The following GPC5 variants were observed in gnomAD, a reference collection of about 807,000 sequenced individuals.
GPC5 encodes the protein glypican 5.
A neutral mutation model predicts 53.9 loss-of-function variants in GPC5; 47 were observed. That is an observed-to-expected ratio of 0.87 (90% CI 0.69 to 1.11). The LOEUF (loss-of-function observed/expected upper bound fraction) is 1.11. Among genes scored for constraint, GPC5 ranks in the 50% most tolerant of loss-of-function variants. The pLI, the probability that GPC5 is intolerant of heterozygous loss-of-function variation, is 0.00. For synonymous variants in GPC5, 286 were observed against 263.3 expected (o/e 1.09, Z -0.84); for missense variants, 748 against 713.1 (o/e 1.05, Z -0.56).
chr13:91,943,235 A>G (rs1359747736), intron 6 of GPC5, among the ~76,000 whole-genome samples: 3 of 152,194 alleles, frequency 2.0e-5, no homozygotes, highest in African/African-American at 7.2e-5. Context: ...TATAAAACAA[A>G]GTATTTGATT....
chr13:92,206,608 C>G (rs1358564878), intron 7 of GPC5, among the ~76,000 whole-genome samples: 2 of 152,096 alleles, frequency 1.3e-5, no homozygotes. Context: ...TGTTTTTCCT[C>G]AGACCAGTCA....
At chr13:91,831,277 G>T (rs77618931) in intron 5 of GPC5, among the ~76,000 whole-genome samples, 3,378 of 151,424 alleles carry the variant, frequency 0.022, 122 homozygotes, top group African/African-American at 0.078. Flanking sequence ...AAAGATGCAG[G>T]CTGGGAGGCT....
intron 7 of GPC5, among the ~76,000 whole-genome samples, chr13:92,696,579 T>G (rs1887564771): frequency 6.6e-6 from 1 of 152,218 alleles, no homozygotes; most frequent in Admixed American, 6.5e-5. Context: ...GTAAGTTATT[T>G]GTAGATCCTG....
intron 5 of GPC5, among the ~76,000 whole-genome samples, chr13:91,811,773 T>C (rs1197655582): frequency 6.6e-6 from 1 of 152,218 alleles, no homozygotes; most frequent in Non-Finnish European, 1.5e-5. Context: ...CACTGTGGAC[T>C]GTGTTAAATA....
chr13:92,572,620 A>C (rs576642284), intron 7 of GPC5, among the ~76,000 whole-genome samples: 1 of 152,322 alleles, frequency 6.6e-6, no homozygotes, highest in Non-Finnish European at 1.5e-5. Flanking sequence ...GATCAATGCT[A>C]AGAATGAAGC....
At chr13:91,535,600 G>A (rs988682827) in intron 2 of GPC5, among the ~76,000 whole-genome samples, 1 of 151,928 alleles carries the variant, frequency 6.6e-6, no homozygotes, top group Non-Finnish European at 1.5e-5. Flanking sequence ...TGAAGCATAG[G>A]AATTATCAGG....
At chr13:92,067,690 A>T (rs2041178118) in intron 6 of GPC5, among the ~76,000 whole-genome samples, 1 of 151,996 alleles carries the variant, frequency 6.6e-6, no homozygotes, top group Non-Finnish European at 1.5e-5. Flanking sequence ...CAGAAATGAA[A>T]GCAATTTTAA....
At chr13:91,715,098 A>G (rs1474296885) in intron 3 of GPC5, among the ~76,000 whole-genome samples, 1 of 152,198 alleles carries the variant, frequency 6.6e-6, no homozygotes, top group Non-Finnish European at 1.5e-5. Flanking sequence ...TTTCTGGGTC[A>G]TCTGGTCATG....
In GPC5 at chr13:92,304,244, C is replaced by T. The variant is rs1324732362; in HGVS notation, c.1561+159255C>T. Reference sequence around the variant, plus strand: ...TTTTTAGACAGAGTCTCTCTCTGTCCCCCAGGCTGGAGTGCAGTGGCAGGA... The same window carrying T: ...TTTTTAGACAGAGTCTCTCTCTGTCTCCCAGGCTGGAGTGCAGTGGCAGGA... On this transcript the variant is annotated intron_variant, in intron 7 of 7. Coordinates refer to ENST00000377067, the MANE Select transcript of GPC5 (RefSeq NM_004466.6). Among the ~76,000 whole-genome samples the T allele has an allele frequency of 2.6e-5, 4 of 151,266 alleles. 1 individual carries two copies. Among genetic ancestry groups the T allele is most frequent in the East Asian group, 3.9e-4 (2 of 5,166 alleles).
chr13:92,142,094 A>G (rs922226701), intron 6 of GPC5, among the ~76,000 whole-genome samples: 1 of 152,194 alleles, frequency 6.6e-6, no homozygotes, highest in African/African-American at 2.4e-5. Context: ...AATACCTAAT[A>G]TAAATGACAA....
intron 7 of GPC5, among the ~76,000 whole-genome samples, chr13:92,678,029 A>C (rs1887003791): frequency 6.6e-6 from 1 of 152,204 alleles, no homozygotes; most frequent in East Asian, 1.9e-4. Flanking sequence ...TTATAGTATA[A>C]TTTACCAGGT....
chr13:92,187,817 T>C (rs1264027778), intron 7 of GPC5, among the ~76,000 whole-genome samples: 4 of 152,244 alleles, frequency 2.6e-5, no homozygotes, highest in Admixed American at 2.6e-4. Flanking sequence ...TATTAATTTC[T>C]ATCATCATTG....
At chr13:92,597,522 T>C (rs1304921922) in intron 7 of GPC5, among the ~76,000 whole-genome samples, 8 of 152,176 alleles carry the variant, frequency 5.3e-5, no homozygotes, top group Non-Finnish European at 1.2e-4. Context: ...ACAAAATTAC[T>C]GAGTGCTTCT....
chr13:92,164,052 A>C (rs1028077990), intron 7 of GPC5, among the ~76,000 whole-genome samples: 1 of 152,134 alleles, frequency 6.6e-6, no homozygotes, highest in African/African-American at 2.4e-5. Flanking sequence ...GGGGAACTGC[A>C]CCCATGATTC....
At chr13:91,956,581 C>T (rs904517437) in intron 6 of GPC5, among the ~76,000 whole-genome samples, 1 of 152,174 alleles carries the variant, frequency 6.6e-6, no homozygotes, top group Non-Finnish European at 1.5e-5. Flanking sequence ...GAAAGGCATG[C>T]TAGGCCCACT....
intron 7 of GPC5, among the ~76,000 whole-genome samples, chr13:92,157,568 G>C (rs1374838505): frequency 6.6e-6 from 1 of 152,088 alleles, no homozygotes; most frequent in Non-Finnish European, 1.5e-5. Context: ...AATCTCAAAT[G>C]GGAAGAGAAA....
rs1380544123 is a variant in GPC5, at chr13:91,518,399, G to A, written c.325+69477G>A. 3.3e-5 allele frequency among the ~76,000 whole-genome samples: 5 copies of A among 151,812 alleles called. No homozygotes were observed. The South Asian group carries it at 1.0e-3, about 32-fold the overall frequency. On this transcript the variant is annotated intron_variant, in intron 2 of 7. Transcript: ENST00000377067. ...CAATAGTAACAAAAAACAAAAGAAA[G>A]AAAATCTAAAATTACATGACAATTC...
intron 7 of GPC5, among the ~76,000 whole-genome samples, chr13:92,614,021 A>T (rs1394248554): frequency 1.3e-5 from 2 of 152,100 alleles, no homozygotes; most frequent in Non-Finnish European, 2.9e-5. Context: ...AAGCCAGAAA[A>T]TTATCAGCTT....
chr13:91,910,536 G>GGGAC (rs1410574250), intron 6 of GPC5, among the ~76,000 whole-genome samples: 5 of 151,936 alleles, frequency 3.3e-5, no homozygotes, highest in African/African-American at 1.2e-4. Flanking sequence ...TCTCACCATA[G>GGGAC]GGACGTACCT....
Sources: allele counts gnomAD v4.1 joint callset (sites outside exome capture counted in the v4.1 genomes callset), GRCh38; gene constraint gnomAD v4.1.1; transcripts MANE v1.5; gene names NCBI Gene and HGNC (gene_info 2026-07-23, HGNC 2026-07-21).